KIF21A: variants seen among roughly 807,000 people sequenced by gnomAD.
KIF21A encodes kinesin family member 21A, also known as kinesin-like protein KIF21A.
Under a neutral mutation model 202.9 loss-of-function variants are expected in KIF21A, and 114 were observed. The ratio of observed to expected loss-of-function variants is 0.56; its 90% CI spans 0.48 to 0.66. KIF21A has a LOEUF of 0.66. Among genes scored for constraint, KIF21A ranks in the 30% least tolerant of loss-of-function variants. The probability of loss-of-function intolerance (pLI) is 0.00; values close to 1 mark genes in which losing one functional copy is unlikely to be tolerated. For synonymous variants in KIF21A, 667 were observed against 670.8 expected (o/e 0.99, Z 0.09); for missense variants, 1,677 against 1,994.9 (o/e 0.84, Z 3.04).
chr12:39,402,958 A>G (rs928130346), intron 1 of KIF21A, among the ~76,000 whole-genome samples: 1 of 152,190 alleles, frequency 6.6e-6, no homozygotes, highest in Non-Finnish European at 1.5e-5. Flanking sequence ...TACTACCATC[A>G]TATGATTGTT....
In KIF21A at chr12:39,340,169, G is replaced by GT; in HGVS notation, c.2305dup (p.Thr769AsnfsTer20). On this transcript the variant is annotated frameshift_variant, in exon 16 of 38. Coordinates refer to ENST00000361418, the MANE Select transcript of KIF21A (RefSeq NM_001173464.2). LOFTEE classifies it high-confidence loss of function. The stretch of plus-strand genomic sequence containing the variant: ...ATGGAAAAAAATAATCAATACCTTT[G>GT]TTTTTTTCATTTCCATCACATCCTG... 6.2e-7 allele frequency: 1 copy of GT among 1,609,808 alleles called. No homozygotes were observed. Among genetic ancestry groups the GT allele is most frequent in the Non-Finnish European group, 8.5e-7 (1 of 1,177,190 alleles).
intron 13 of KIF21A, among the ~76,000 whole-genome samples, 159 bp downstream of exon 13, chr12:39,341,875 T>A (rs1270872304): frequency 6.6e-6 from 1 of 152,212 alleles, no homozygotes; most frequent in Non-Finnish European, 1.5e-5. Context: ...GTCAATATTT[T>A]ATAGCTTGTA....
chr12:39,416,629 G>T (rs531439906), intron 1 of KIF21A, among the ~76,000 whole-genome samples: 1 of 127,752 alleles, frequency 7.8e-6, no homozygotes, highest in Non-Finnish European at 1.6e-5. Context: ...ACATATATAT[G>T]TGTATATATA....
At chr12:39,416,635 ATATATATATGTACATATATATGTG>A (rs1953644417) in intron 1 of KIF21A, among the ~76,000 whole-genome samples, 1 of 139,328 alleles carries the variant, frequency 7.2e-6, no homozygotes, top group Non-Finnish European at 1.5e-5. Context: ...ATATGTGTAT[ATATATATATGTACATATATATGTG>A]TATATATATA....
chr12:39,371,993 T>G (rs1208725967), intron 1 of KIF21A, among the ~76,000 whole-genome samples: 2 of 151,174 alleles, frequency 1.3e-5, no homozygotes, highest in East Asian at 1.9e-4. Context: ...GAACAGATTT[T>G]AAAGGAATCT....
rs1351512351 is a variant in KIF21A, at chr12:39,355,707, T to TTTTATATATATA, written c.1469+1124_1469+1125insTATATATATAAA. On this transcript the variant is annotated intron_variant, in intron 10 of 37. Coordinates refer to ENST00000361418, the MANE Select transcript of KIF21A (RefSeq NM_001173464.2). ...TACCAAAAACATGAAGCATGAACAA[T>TTTTATATATATA]TATATATATATATATATATATATAT... is the stretch of plus-strand genomic sequence containing the variant. 4.8e-4 allele frequency among the ~76,000 whole-genome samples: 49 copies of TTTTATATATATA among 101,228 alleles called. 2 individuals are homozygous for TTTTATATATATA. The highest frequency in any genetic ancestry group is 4.9e-3 in the Middle Eastern group (1 of 206). 66.4% of individuals were successfully genotyped at this position (101,228 alleles called of 152,430 possible).
chr12:39,379,934 A>G (rs1244405698), intron 1 of KIF21A, among the ~76,000 whole-genome samples: 1 of 152,184 alleles, frequency 6.6e-6, no homozygotes, highest in Non-Finnish European at 1.5e-5. Flanking sequence ...TGATCAAATC[A>G]GGGTTAATCT....
chr12:39,337,096 A>G lies in KIF21A; in HGVS notation c.2418T>C (p.Asp806=). 1.3e-6 allele frequency: 2 copies of G among 1,572,808 alleles called. No homozygotes were observed. The highest frequency in any genetic ancestry group is 1.7e-6 in the Non-Finnish European group (2 of 1,144,458). Residue 806 remains aspartate, a splice_region_variant and synonymous_variant, in exon 17 of 38, where the codon GAT becomes GAC. Transcript: ENST00000361418. Reference sequence around the variant, plus strand: ...TAACTGAGAGTTAAAATCCACTTACATCTCTTTTACGTTGATCCTTTTTCA... The same window carrying G: ...TAACTGAGAGTTAAAATCCACTTACGTCTCTTTTACGTTGATCCTTTTTCA... ...AQLKKDQRKR[D]HQLRLLEAQK...
chr12:39,328,904 C>G (rs1946225425), intron 24 of KIF21A, among the ~76,000 whole-genome samples: 1 of 152,208 alleles, frequency 6.6e-6, no homozygotes, highest in South Asian at 2.1e-4. Flanking sequence ...GGTAGTCCCA[C>G]TCTGTGCTCC....
chr12:39,311,928 A>C, intron 31 of KIF21A: 1 of 231,040 alleles, frequency 4.3e-6, no homozygotes, highest in Non-Finnish European at 8.7e-6. Flanking sequence ...ACATAATTCT[A>C]TGTCAAACTG....
intron 17 of KIF21A, 135 bp from the exon 18 acceptor site, chr12:39,333,415 T>C: frequency 1.5e-6 from 1 of 689,222 alleles, no homozygotes; most frequent in Admixed American, 2.4e-5. Context: ...CAACCTTGTA[T>C]ATATTATTAC....
chr12:39,370,302 G>GA, intron 1 of KIF21A, 41 bp from the exon 2 acceptor site: 1 of 1,460,508 alleles, frequency 6.8e-7, no homozygotes, highest in African/African-American at 1.5e-5. Context: ...AAAATAAATG[G>GA]CAAAAAAAAA....
At position 39,428,352 on chromosome 12, in the gene KIF21A, T is replaced by A. The variant is rs1290577094; in HGVS notation, c.44+14575A>T. 1.8e-4 allele frequency among the ~76,000 whole-genome samples: 28 copies of A among 152,258 alleles called. 1 individual carries two copies. The highest frequency in any genetic ancestry group is 1.8e-3 in the Admixed American group (28 of 15,288). On this transcript the variant is annotated intron_variant, in intron 1 of 37. Transcript: ENST00000361418. Reference sequence around the variant, plus strand: ...TAAAAAGTGAAGGTTGTTTTCAGGATCATTTAAGTTTCAGACCTCATTTGT... The same window carrying A: ...TAAAAAGTGAAGGTTGTTTTCAGGAACATTTAAGTTTCAGACCTCATTTGT...
intron 1 of KIF21A, among the ~76,000 whole-genome samples, chr12:39,436,448 A>ATATATATATATATTT (rs1387332677): frequency 1.4e-4 from 13 of 95,766 alleles, no homozygotes; most frequent in African/African-American, 2.5e-4. Flanking sequence ...ATATATATAT[A>ATATATATATATATTT]TTTTTTTTTT....
intron 1 of KIF21A, among the ~76,000 whole-genome samples, chr12:39,411,442 C>T (rs1953071340): frequency 6.6e-6 from 1 of 152,216 alleles, no homozygotes; most frequent in Non-Finnish European, 1.5e-5. Flanking sequence ...TAGTGCTTCT[C>T]TTTAATCCAC....
intron 1 of KIF21A, among the ~76,000 whole-genome samples, chr12:39,429,761 T>C (rs1445920763): frequency 6.6e-6 from 1 of 151,938 alleles, no homozygotes; most frequent in East Asian, 1.9e-4. Context: ...TTGAAAGAAA[T>C]TATGGTTAGT....
chr12:39,300,526 T>C (rs1025523845), intron 37 of KIF21A, among the ~76,000 whole-genome samples: 1 of 152,068 alleles, frequency 6.6e-6, no homozygotes, highest in African/African-American at 2.4e-5. Flanking sequence ...GTTCATGCAT[T>C]TGAGATACAC....
intron 16 of KIF21A, 27 bp from the exon 17 acceptor site, chr12:39,337,230 T>C: frequency 1.5e-6 from 2 of 1,364,026 alleles, no homozygotes; most frequent in South Asian, 1.2e-5. Flanking sequence ...AGACATCTAT[T>C]GAAATTACTC....
At chr12:39,408,818 T>A (rs562550954) in intron 1 of KIF21A, among the ~76,000 whole-genome samples, 3 of 79,292 alleles carry the variant, frequency 3.8e-5, no homozygotes, top group South Asian at 6.0e-4. Flanking sequence ...TTTTGTTGGT[T>A]TTTTTTTGTT....
Sources: gnomAD v4.1 joint callset for allele counts (sites outside exome capture counted in the v4.1 genomes callset) on GRCh38, gnomAD v4.1.1 for gene constraint, MANE v1.5 for transcripts, NCBI Gene and HGNC (gene_info 2026-07-23, HGNC 2026-07-21) for gene names.